The following RB1CC1 variants were observed in gnomAD, a reference collection of about 807,000 sequenced individuals.
RB1CC1 encodes RB1 inducible coiled-coil 1.
Under a neutral mutation model 177.5 loss-of-function variants are expected in RB1CC1, and 46 were observed. That is an observed-to-expected ratio of 0.26 (90% CI 0.20 to 0.33). The LOEUF is 0.33. Among genes scored for constraint, RB1CC1 ranks in the 10% least tolerant of loss-of-function variants. The pLI is 1.00. For synonymous variants in RB1CC1, 666 were observed against 613.6 expected, an observed-to-expected ratio of 1.09 and a Z score of -1.26; for missense variants, 1,703 against 1,816.3, an observed-to-expected ratio of 0.94 and a Z score of 1.13.
At chr8:52,699,109 C>A (rs1325109219) in intron 1 of RB1CC1, among the ~76,000 whole-genome samples, 2 of 152,144 alleles carry the variant, frequency 1.3e-5, no homozygotes. Flanking sequence ...ATTGGTAATA[C>A]TCCAGTAAAA....
chr8:52,628,042 T>G lies in RB1CC1; in HGVS notation c.4626A>C (p.Pro1542=), dbSNP rs770451642. 3.1e-6 allele frequency: 5 copies of G among 1,594,960 alleles called. No homozygotes were observed. The highest frequency in any genetic ancestry group is 4.3e-6 in the Non-Finnish European group (5 of 1,171,940). Residue 1542 remains proline (P), a synonymous_variant, in exon 22 of 24, where the codon CCA becomes CCC. Transcript: ENST00000025008. ...SESLPALDLK[P]GEGASGASRR... Reference sequence around the variant, plus strand: ...TGGAATGACACTTACCACCCTCACCTGGTTTGAGATCCAGGGCAGGTAGAG... The same window carrying G: ...TGGAATGACACTTACCACCCTCACCGGGTTTGAGATCCAGGGCAGGTAGAG...
chr8:52,658,642 C>G (rs1341939168), intron 13 of RB1CC1, among the ~76,000 whole-genome samples: 1 of 140,888 alleles, frequency 7.1e-6, no homozygotes, highest in Non-Finnish European at 1.6e-5. Context: ...CAAAAAGTAA[C>G]TACTAGAAAA....
intron 19 of RB1CC1, among the ~76,000 whole-genome samples, chr8:52,635,492 A>G (rs1350655112): frequency 6.6e-6 from 1 of 152,164 alleles, no homozygotes. Context: ...ATCTATGAAC[A>G]ATGATCTGCC....
At chr8:52,635,071 G>T in intron 19 of RB1CC1, 103 bp from the exon 20 acceptor site, 1 of 1,045,174 alleles carries the variant, frequency 9.6e-7, no homozygotes, top group Non-Finnish European at 1.4e-6. Flanking sequence ...GTTTGGTTCG[G>T]GTATGAAAAG....
At chr8:52,623,990 C>A in intron 23 of RB1CC1, 131 bp from the exon 24 acceptor site, 1 of 644,690 alleles carries the variant, frequency 1.6e-6, no homozygotes. Context: ...CAAGTACCCT[C>A]CTATCATATT....
chr8:52,670,479 C>G (rs1299220905), intron 7 of RB1CC1, among the ~76,000 whole-genome samples: 1 of 152,126 alleles, frequency 6.6e-6, no homozygotes, highest in Non-Finnish European at 1.5e-5. Context: ...TTCTTACACT[C>G]TCTATTCTTA....
At chr8:52,668,607 T>C (rs111883552) in intron 7 of RB1CC1, among the ~76,000 whole-genome samples, 26 of 152,302 alleles carry the variant, frequency 1.7e-4, no homozygotes, top group East Asian at 7.7e-4. Context: ...TATTCTCTAT[T>C]TCTATCTCCT....
chr8:52,624,750 T>C lies in RB1CC1; in HGVS notation c.4674A>G (p.Lys1558=), dbSNP rs1020451118. 5.6e-6 allele frequency: 9 copies of C among 1,598,356 alleles called. No individual in the cohort carries two copies. The African/African-American group carries it at 1.1e-4, about 19-fold the overall frequency. Residue 1558 remains lysine, a synonymous_variant, in exon 23 of 24, where the codon AAA becomes AAG. Coordinates refer to ENST00000025008, the MANE Select transcript of RB1CC1 (RefSeq NM_014781.5). ...GASRRPWVLG[K]VMEKEYCQAK... is the part of the protein sequence containing the mutation. Reference sequence around the variant, plus strand: ...CTTGACAGTATTCTTTTTCCATTACTTTTCCAAGTACCCAGGGTCTTCTAG... The same window carrying C: ...CTTGACAGTATTCTTTTTCCATTACCTTTCCAAGTACCCAGGGTCTTCTAG...
In RB1CC1 at chr8:52,630,472, T is replaced by C; in HGVS notation, c.4497A>G (p.Arg1499=). 6.3e-7 allele frequency: 1 copy of C among 1,581,478 alleles called. No individual in the cohort carries two copies. Among genetic ancestry groups the C allele is most frequent in the East Asian group, 2.3e-5 (1 of 43,804 alleles). ...SSRHSEKIAI[R]DFQVGDLVLI... is the part of the protein sequence containing the mutation. ...ACTCACAAAACTAAAATACTTACTC[T>C]CTAATAGCTATCTTTTCAGAATGCC... The change falls in exon 21 of 24, where the codon AGA becomes AGG. Residue 1499 remains arginine (R), a splice_region_variant and synonymous_variant. Transcript: ENST00000025008.
intron 1 of RB1CC1, among the ~76,000 whole-genome samples, chr8:52,695,580 G>A (rs539936649): frequency 6.6e-6 from 1 of 152,304 alleles, no homozygotes; most frequent in South Asian, 2.1e-4. Flanking sequence ...CTAAAGGTGA[G>A]TCATGTGGAC....
intron 22 of RB1CC1, among the ~76,000 whole-genome samples, chr8:52,627,346 C>CA (rs1229574994): frequency 4.6e-5 from 7 of 151,842 alleles, no homozygotes; most frequent in African/African-American, 1.7e-4. Flanking sequence ...GACTCCGTTT[C>CA]GAAAAAAAAT....
intron 1 of RB1CC1, among the ~76,000 whole-genome samples, chr8:52,709,567 C>A (rs1052852726): frequency 1.3e-5 from 2 of 152,086 alleles, no homozygotes; most frequent in Admixed American, 6.5e-5. Context: ...GGTGAAACCC[C>A]GTCTCTACTA....
intron 12 of RB1CC1, 30 bp from the exon 13 acceptor site, chr8:52,659,006 A>T (rs762653386): frequency 3.2e-5 from 44 of 1,356,562 alleles, no homozygotes; most frequent in East Asian, 3.2e-4. Flanking sequence ...TACTTAAAAA[A>T]TTTTTTTTCA....
chr8:52,650,930 C>T (rs758234036), intron 15 of RB1CC1, among the ~76,000 whole-genome samples: 1 of 152,304 alleles, frequency 6.6e-6, no homozygotes, highest in East Asian at 1.9e-4. Flanking sequence ...AGGTAGTCCT[C>T]TTCTCAATGA....
chr8:52,676,338 C>G (rs369274741), intron 6 of RB1CC1, 31 bp downstream of exon 6: 3 of 1,562,470 alleles, frequency 1.9e-6, no homozygotes, highest in Non-Finnish European at 2.6e-6. Context: ...GCATTTTAAA[C>G]AAATATTATC....
chr8:52,666,037 A>G (rs929269311), intron 8 of RB1CC1, among the ~76,000 whole-genome samples: 1 of 152,204 alleles, frequency 6.6e-6, no homozygotes, highest in Non-Finnish European at 1.5e-5. Context: ...ATGTCCAATC[A>G]TCCAAATCTC....
intron 20 of RB1CC1, 93 bp from the exon 21 acceptor site, chr8:52,630,621 A>G: frequency 7.6e-7 from 1 of 1,313,598 alleles, no homozygotes; most frequent in South Asian, 1.7e-5. Flanking sequence ...TACACATTCA[A>G]GCCTGTGTCC....
intron 18 of RB1CC1, 94 bp from the exon 19 acceptor site, chr8:52,636,163 A>T (rs544591102): frequency 6.7e-6 from 9 of 1,352,144 alleles, no homozygotes; most frequent in Non-Finnish European, 8.9e-6. Flanking sequence ...GATCACTTTA[A>T]CAATTTAAGG....
At chr8:52,658,579 G>GAACAAA (rs1851295783) in intron 13 of RB1CC1, among the ~76,000 whole-genome samples, 1 of 98,798 alleles carries the variant, frequency 1.0e-5, no homozygotes, top group Non-Finnish European at 1.9e-5. Flanking sequence ...TCCGTCTCAA[G>GAACAAA]AAAAAAAAAA....
Sources: gnomAD v4.1 joint callset for allele counts (sites outside exome capture counted in the v4.1 genomes callset) on GRCh38, gnomAD v4.1.1 for gene constraint, MANE v1.5 for transcripts, NCBI Gene and HGNC (gene_info 2026-07-23, HGNC 2026-07-21) for gene names.